KPNA5: variants seen among roughly 807,000 people sequenced by gnomAD.
KPNA5 encodes karyopherin subunit alpha 5.
Under a neutral mutation model 71.3 loss-of-function variants are expected in KPNA5, and 46 were observed. That is an observed-to-expected ratio of 0.65 (90% CI 0.51 to 0.83). The LOEUF is 0.83. KPNA5 is among the 40% of genes least tolerant of loss of function. The pLI is 0.00. For missense variants in KPNA5, 547 were observed against 628.3 expected (o/e 0.87, Z 1.38); for synonymous variants, 207 against 201.4 (o/e 1.03, Z -0.24).
In KPNA5 at chr6:116,732,958, G is replaced by T. The variant is rs1202551049; in HGVS notation, c.*635G>T. 1 of 151,698 alleles carries T rather than the reference G, an allele frequency of 6.6e-6. No individual in the cohort carries two copies. The highest frequency in any genetic ancestry group is 1.5e-5 in the Non-Finnish European group (1 of 67,788). 9.4% of individuals were successfully genotyped at this position (151,698 alleles called of 1,614,324 possible). On this transcript the variant is annotated 3_prime_UTR_variant, in exon 14 of 14. Coordinates refer to ENST00000368564, the MANE Select transcript of KPNA5 (RefSeq NM_001366306.2). ...TATACTGATAATCCATTAAAATGTG[G>T]CAATTGTGAAGGGAGAAGCTGTTTT...
chr6:116,683,534 CCAAA>C (rs1777442302), intron 1 of KPNA5, among the ~76,000 whole-genome samples: 1 of 152,042 alleles, frequency 6.6e-6, no homozygotes, highest in Admixed American at 6.6e-5. Context: ...GAGAATAATA[CCAAA>C]CATTGTTATT....
chr6:116,686,082 T>C (rs1411255486), intron 1 of KPNA5, among the ~76,000 whole-genome samples: 1 of 151,988 alleles, frequency 6.6e-6, no homozygotes, highest in Non-Finnish European at 1.5e-5. Flanking sequence ...TGTTTTGATA[T>C]TTTGTTGAGA....
rs1450140786 is a variant in KPNA5, at chr6:116,740,072, G to A, written c.*7749G>A. 2 of 151,836 alleles carry A rather than the reference G, an allele frequency of 1.3e-5. No homozygotes were observed. Among genetic ancestry groups the A allele is most frequent in the East Asian group, 1.9e-4 (1 of 5,188 alleles). 9.4% of individuals were successfully genotyped at this position (151,836 alleles called of 1,614,324 possible). On this transcript the variant is annotated 3_prime_UTR_variant, in exon 14 of 14. Coordinates refer to ENST00000368564, the MANE Select transcript of KPNA5 (RefSeq NM_001366306.2). ...AGAGTGAACAGGCAACCTACAAAATGGGAGAAAATTTTCACAACCTACTCA... is the reference window on the plus strand; with the variant it reads ...AGAGTGAACAGGCAACCTACAAAATAGGAGAAAATTTTCACAACCTACTCA...
At chr6:116,732,077 TATATATATATA>T (rs1562458645) in intron 13 of KPNA5, 48 bp from the exon 14 acceptor site, 3,062 of 144,714 alleles carry the variant, frequency 0.021, 287 homozygotes, top group African/African-American at 0.046. Context: ...AGTTTGTTTA[TATATATATATA>T]TATATATATA....
At chr6:116,710,552 A>G (rs896128875) in intron 7 of KPNA5, among the ~76,000 whole-genome samples, 1 of 151,988 alleles carries the variant, frequency 6.6e-6, no homozygotes, top group African/African-American at 2.4e-5. Context: ...CATTCTTTCC[A>G]TTATTTTAAG....
At position 116,725,869 on chromosome 6, in the gene KPNA5, A is replaced by T; in HGVS notation, c.1118A>T (p.Gln373Leu). Reference protein sequence around the residue: ...VSNITAGNRAQIQAVIDANIF... With the variant: ...VSNITAGNRALIQAVIDANIF... ...AACATCACTGCTGGAAATAGAGCTC[A>T]GATTCAGGTAACTACCCTTCAGATC... Residue 373 changes from glutamine (Q) to leucine (L), a missense_variant, in exon 11 of 14, where the codon CAG becomes CTG. Coordinates refer to ENST00000368564, the MANE Select transcript of KPNA5 (RefSeq NM_001366306.2). 1 of 1,612,756 alleles carries T rather than the reference A, an allele frequency of 6.2e-7. No homozygotes were observed. The highest frequency in any genetic ancestry group is 8.5e-7 in the Non-Finnish European group (1 of 1,179,350).
chr6:116,716,819 T>G (rs1338516775), intron 8 of KPNA5, among the ~76,000 whole-genome samples: 1 of 152,196 alleles, frequency 6.6e-6, no homozygotes, highest in Non-Finnish European at 1.5e-5. Flanking sequence ...CCATTGTACT[T>G]CTTTTGAATT....
At position 116,732,588 on chromosome 6, in the gene KPNA5, A is replaced by T. The variant is rs1204089611; in HGVS notation, c.*265A>T. On this transcript the variant is annotated 3_prime_UTR_variant, in exon 14 of 14. Transcript: ENST00000368564. ...CTATTTGTGAATAATTGAATATGCA[A>T]TTATTTAGTAATTTAAGCTTGAAAA... The T allele has an allele frequency of 5.6e-6, 1 of 177,914 alleles. No homozygotes were observed. Among genetic ancestry groups the T allele is most frequent in the African/African-American group, 2.4e-5 (1 of 42,416 alleles). The allele number at this position is 177,914 out of a possible 1,614,324, so 11.0% of individuals were successfully genotyped here.
intron 1 of KPNA5, among the ~76,000 whole-genome samples, chr6:116,686,979 G>C (rs967424916): frequency 6.6e-6 from 1 of 152,078 alleles, no homozygotes; most frequent in African/African-American, 2.4e-5. Flanking sequence ...CTCCAACTTT[G>C]TTCTTTTTGC....
rs1343962895 is a variant in KPNA5, at chr6:116,724,349, G to C, written c.973G>C (p.Val325Leu). The C allele has an allele frequency of 2.5e-6, 4 of 1,610,766 alleles. No individual in the cohort carries two copies. The highest frequency in any genetic ancestry group is 3.4e-6 in the Non-Finnish European group (4 of 1,177,290). ...SPALRAVGNI[V>L]TGDDIQTQVI... is the part of the protein sequence containing the mutation. ...TGCATTAAGGGCAGTTGGTAATATT[G>C]TGACTGGTGATGATATTCAAACACA... The change falls in exon 10 of 14, where the codon GTG (valine) becomes CTG (leucine). Residue 325 changes from valine to leucine, a missense_variant. By Grantham distance (32) the Val-to-Leu change is conservative. Coordinates refer to ENST00000368564, the MANE Select transcript of KPNA5 (RefSeq NM_001366306.2).
At chr6:116,691,168 G>T (rs1777788045) in intron 2 of KPNA5, among the ~76,000 whole-genome samples, 4 of 152,254 alleles carry the variant, frequency 2.6e-5, no homozygotes, top group Admixed American at 2.6e-4. Context: ...GGTGGAGGTT[G>T]CAGTGAGCCG....
chr6:116,709,782 TC>T (rs1778582983), intron 7 of KPNA5, among the ~76,000 whole-genome samples: 1 of 151,966 alleles, frequency 6.6e-6, no homozygotes, highest in South Asian at 2.1e-4. Context: ...TTTTTTTTTT[TC>T]GAGACGGAGT....
rs2243366 is a variant in KPNA5, at chr6:116,705,054, AT to A, written c.568-7del. On this transcript the variant is annotated splice_polypyrimidine_tract_variant and intron_variant, in intron 6 of 13. Coordinates refer to ENST00000368564, the MANE Select transcript of KPNA5 (RefSeq NM_001366306.2). The stretch of plus-strand genomic sequence containing the variant: ...TAATTTAAAATATTGTCTTAAGATA[AT>A]TTTTTTTTTTCCTAAGGCTGTTTGG... 9.7e-3 allele frequency: 11,362 copies of A among 1,175,360 alleles called. No homozygotes were observed. Among genetic ancestry groups the A allele is most frequent in the South Asian group, 0.012 (729 of 63,020 alleles). The allele number at this position is 1,175,360 out of a possible 1,614,324, so 72.8% of individuals were successfully genotyped here.
At position 116,716,308 on chromosome 6, in the gene KPNA5, A is replaced by C. The variant is rs779203734; in HGVS notation, c.746A>C (p.Asn249Thr). Residue 249 changes from asparagine to threonine, a missense_variant, in exon 8 of 14, where the codon AAC becomes ACC. By Grantham distance (65) the Asn-to-Thr change is moderately conservative. Transcript: ENST00000368564. Reference sequence around the variant, plus strand: ...TGTAGAGGCAAAAACCCTCCTCCAAACTTTAGTAAGGTATGAGTAAAATAC... The same window carrying C: ...TGTAGAGGCAAAAACCCTCCTCCAACCTTTAGTAAGGTATGAGTAAAATAC... ...NLCRGKNPPP[N>T]FSKVSPCLNV... 2.5e-6 allele frequency: 4 copies of C among 1,604,868 alleles called. No homozygotes were observed. The highest frequency in any genetic ancestry group is 8.5e-7 in the Non-Finnish European group (1 of 1,172,314).
At chr6:116,727,920 G>A (rs1381107013) in intron 12 of KPNA5, among the ~76,000 whole-genome samples, 1 of 152,018 alleles carries the variant, frequency 6.6e-6, no homozygotes, top group East Asian at 1.9e-4. Flanking sequence ...ATTTTCTAAT[G>A]CATATTTGAT....
intron 8 of KPNA5, among the ~76,000 whole-genome samples, chr6:116,721,613 A>G (rs1779109458): frequency 6.6e-6 from 1 of 152,244 alleles, no homozygotes; most frequent in Non-Finnish European, 1.5e-5. Flanking sequence ...CTTAGGTGCT[A>G]CATGCCTTCT....
rs559024134 is a variant in KPNA5 at position 116,695,990 on chromosome 6, AC to A, written c.341-2709del. ...TTGAAGAATTTTCTACCCCTTTCTT[AC>A]CCCCATTCTAGGAAAATTGCATTGG... On this transcript the variant is annotated intron_variant, in intron 4 of 13. Transcript: ENST00000368564. Among the ~76,000 whole-genome samples the A allele has an allele frequency of 6.6e-5, 10 of 151,744 alleles. No individual in the cohort carries two copies. The South Asian group carries it at 1.9e-3, about 28-fold the overall frequency.
intron 1 of KPNA5, among the ~76,000 whole-genome samples, chr6:116,683,480 A>G (rs1777439601): frequency 6.6e-6 from 1 of 152,308 alleles, no homozygotes; most frequent in Admixed American, 6.5e-5. Context: ...TCTGATCTCT[A>G]ATTTTTTCCT....
rs1779646178 is a variant in KPNA5, at chr6:116,735,680, T to G, written c.*3357T>G. 1 of 151,726 alleles carries G rather than the reference T, an allele frequency of 6.6e-6. No individual in the cohort carries two copies. The allele number at this position is 151,726 out of a possible 1,614,324, so 9.4% of individuals were successfully genotyped here. On this transcript the variant is annotated 3_prime_UTR_variant, in exon 14 of 14. Coordinates refer to ENST00000368564, the MANE Select transcript of KPNA5 (RefSeq NM_001366306.2). ...TCCATTTCATTTTTTCTTAAGATTG[T>G]TGTTTCCTAACAGAACAAAGACAGA...
Sources: allele counts gnomAD v4.1 joint callset (sites outside exome capture counted in the v4.1 genomes callset), GRCh38; gene constraint gnomAD v4.1.1; transcripts MANE v1.5; gene names NCBI Gene and HGNC (gene_info 2026-07-23, HGNC 2026-07-21).